The following FAM153A variants were observed in gnomAD, a reference collection of about 807,000 sequenced individuals.
FAM153A encodes protein FAM153A.
Under a neutral mutation model 48.1 loss-of-function variants are expected in FAM153A, and 12 were observed. The ratio of observed to expected loss-of-function variants is 0.25; its 90% confidence interval spans 0.16 to 0.40. The LOEUF is 0.40. Ranked by LOEUF, FAM153A falls within the 10% of genes least tolerant of loss-of-function variation. The pLI is 1.00. For missense variants in FAM153A, 111 were observed against 345.8 expected, an observed-to-expected ratio of 0.32 and a Z score of 5.38; for synonymous variants, 36 against 118.2, an observed-to-expected ratio of 0.30 and a Z score of 4.51.
chr5:177,755,970 A>G (rs2127704690), upstream of FAM153A, among the ~76,000 whole-genome samples: 1 of 151,026 alleles, frequency 6.6e-6, no homozygotes, highest in East Asian at 1.9e-4. Context: ...GACAGGATCA[A>G]ATTCACACAT....
chr5:177,734,946 A>G lies in FAM153A; in HGVS notation c.665-13T>C, dbSNP rs1264345913. The G allele has an allele frequency of 2.0e-6, 3 of 1,533,490 alleles. No individual in the cohort carries two copies. The highest frequency in any genetic ancestry group is 2.7e-6 in the Non-Finnish European group (3 of 1,131,352). The allele number at this position is 1,533,490 out of a possible 1,614,324, so 95.0% of individuals were successfully genotyped here. A position where few individuals can be genotyped will look rare whatever the true frequency, so the allele number is the denominator to read the frequency against. On this transcript the variant is annotated splice_polypyrimidine_tract_variant and intron_variant, in intron 12 of 20. Transcript: ENST00000614127. ...TCCCTGATCAGAACTAGGAGGATAC[A>G]AAGTGACCATCAGCACCTTGGTGGT...
chr5:177,759,430 T>C (rs1768086159), intron 1 of FAM153A, among the ~76,000 whole-genome samples: 1 of 151,730 alleles, frequency 6.6e-6, no homozygotes, highest in African/African-American at 2.4e-5. Flanking sequence ...GATCTAGAAC[T>C]AGAAATACCA....
At chr5:177,737,854 T>C (rs1479602547) in intron 10 of FAM153A, among the ~76,000 whole-genome samples, 1 of 151,742 alleles carries the variant, frequency 6.6e-6, no homozygotes, top group Admixed American at 6.5e-5. Flanking sequence ...GCAACCTTTC[T>C]TCAATGAGGA....
Position 177,772,117 on chromosome 5 carries a change from C to G in FAM153A, c.-57+8332G>C, listed in dbSNP as rs1380911332. The stretch of plus-strand genomic sequence containing the variant: ...TAAGGTTTTCATTAAGTTGACATGA[C>G]CTATAATCAGATGGTTATTTCACAG... On this transcript the variant is annotated intron_variant, in intron 1 of 8. Coordinates refer to the FAM153A transcript ENST00000393518. Among the ~76,000 whole-genome samples, 2 of 98,544 alleles carry G rather than the reference C, an allele frequency of 2.0e-5. 1 individual carries two copies. Among genetic ancestry groups the G allele is most frequent in the Non-Finnish European group, 4.2e-5 (2 of 47,342 alleles). 64.6% of individuals were successfully genotyped at this position (98,544 alleles called of 152,430 possible).
Position 177,727,725 on chromosome 5 carries a change from A to T in FAM153A, c.964+1298T>A. Reference sequence around the variant, plus strand: ...CAGGAGAGTTGCAAGGACCACCTGGACTCTGGAGCAGCCCCACTCCCTTTG... The same window carrying T: ...CAGGAGAGTTGCAAGGACCACCTGGTCTCTGGAGCAGCCCCACTCCCTTTG... On this transcript the variant is annotated intron_variant, in intron 18 of 20. Transcript: ENST00000614127. Among the ~76,000 whole-genome samples, 2 of 64,864 alleles carry T rather than the reference A, an allele frequency of 3.1e-5. 1 individual carries two copies. Among genetic ancestry groups the T allele is most frequent in the Non-Finnish European group, 5.8e-5 (2 of 34,530 alleles). 42.6% of individuals were successfully genotyped at this position (64,864 alleles called of 152,430 possible).
the FAM153A span, among the ~76,000 whole-genome samples, chr5:177,697,224 TA>T: frequency 2.0e-5 from 3 of 151,608 alleles, no homozygotes; most frequent in East Asian, 5.8e-4. Context: ...TGAATGGAAT[TA>T]TTTTTTAAAT....
chr5:177,709,093 CAAAAAAAAAAAAAAAAAAAAAAAAAA>C (rs56257501), downstream of FAM153A, among the ~76,000 whole-genome samples: 4 of 34,122 alleles, frequency 1.2e-4, no homozygotes, highest in South Asian at 1.5e-3. Flanking sequence ...GACTCCGTCT[CAAAAAAAAAAAAAAAAAAAAAAAAAA>C]AAAAAAAAAA....
Position 177,778,261 on chromosome 5 carries a change from TAAAA to T in FAM153A, c.-57+2184_-57+2187del, listed in dbSNP as rs774084490. On this transcript the variant is annotated intron_variant, in intron 1 of 8. Transcript: ENST00000393518. ...ATGTACCCTAAAACTTAGAGTATAA[TAAAA>T]AAAAAAAAAAAAAAAAAAAAGAAAT... 7.5e-4 allele frequency among the ~76,000 whole-genome samples: 15 copies of T among 20,042 alleles called. 1 individual carries two copies. The highest frequency in any genetic ancestry group is 5.9e-3 in the East Asian group (4 of 676). The allele number at this position is 20,042 out of a possible 152,430, so 13.1% of individuals were successfully genotyped here. A position where few individuals can be genotyped will look rare whatever the true frequency, so the allele number is the denominator to read the frequency against.
At chr5:177,705,639 C>A (rs71601374), downstream of FAM153A, among the ~76,000 whole-genome samples, 1 of 121,962 alleles carries the variant, frequency 8.2e-6, no homozygotes, top group Non-Finnish European at 1.7e-5. Flanking sequence ...AACTAGAAAA[C>A]ATTTTTCTTT....
intron 25 of FAM153A, among the ~76,000 whole-genome samples, chr5:177,715,667 A>ATAAATGTGGTCATC (rs1303453180): frequency 6.6e-6 from 1 of 151,672 alleles, no homozygotes; most frequent in East Asian, 1.9e-4. Flanking sequence ...GGAGCCTCCT[A>ATAAATGTGGTCATC]TAAATGTGGT....
chr5:177,698,398 G>T, the FAM153A span, among the ~76,000 whole-genome samples: 46 of 152,038 alleles, frequency 3.0e-4, no homozygotes, highest in Admixed American at 7.2e-4. Flanking sequence ...GACAATGCCT[G>T]CCCTGTCCAG....
downstream of FAM153A, among the ~76,000 whole-genome samples, chr5:177,704,661 C>G (rs1582088768): frequency 6.6e-6 from 1 of 151,740 alleles, no homozygotes; most frequent in East Asian, 1.9e-4. Context: ...CCCCGTGGTG[C>G]TGTTCTCATG....
chr5:177,743,195 T>TTTTG (rs1765563638), intron 6 of FAM153A, among the ~76,000 whole-genome samples: 1 of 98,730 alleles, frequency 1.0e-5, no homozygotes, highest in Non-Finnish European at 2.1e-5. Flanking sequence ...CACTTGTTTT[T>TTTTG]TTTTTGTTTT....
chr5:177,718,883 A>G (rs1760450724), downstream of FAM153A, among the ~76,000 whole-genome samples: 1 of 150,074 alleles, frequency 6.7e-6, no homozygotes, highest in South Asian at 2.1e-4. Flanking sequence ...TCAATAAAGT[A>G]TACAATTTTT....
downstream of FAM153A, among the ~76,000 whole-genome samples, chr5:177,710,136 C>G (rs1414403764): frequency 1.4e-5 from 2 of 146,516 alleles, no homozygotes; most frequent in Non-Finnish European, 3.0e-5. Flanking sequence ...TTCCCTGAGA[C>G]GGAGTCTCAC....
rs1250111069 is a variant in FAM153A at position 177,769,947 on chromosome 5, A to G, written c.-57+10502T>C. 2.1e-5 allele frequency among the ~76,000 whole-genome samples: 2 copies of G among 96,230 alleles called. 1 individual carries two copies. The highest frequency in any genetic ancestry group is 8.2e-5 in the African/African-American group (2 of 24,414). 63.1% of individuals were successfully genotyped at this position (96,230 alleles called of 152,430 possible). A position where few individuals can be genotyped will look rare whatever the true frequency, so the allele number is the denominator to read the frequency against. ...ACTATCAATGCCCTCTTGCTGCCAG[A>G]ATGTTCCAATGCTTGCCCCTTTCCC... On this transcript the variant is annotated intron_variant, in intron 1 of 8. Transcript: ENST00000393518.
chr5:177,702,032 C>T, the FAM153A span, among the ~76,000 whole-genome samples: 571 of 151,650 alleles, frequency 3.8e-3, 1 homozygote, highest in South Asian at 6.7e-3. Context: ...CTCAGCCTCC[C>T]GAGTAGCTGG....
the FAM153A span, among the ~76,000 whole-genome samples, chr5:177,701,302 G>T: frequency 6.6e-6 from 1 of 151,846 alleles, no homozygotes; most frequent in Non-Finnish European, 1.5e-5. Flanking sequence ...GGTGGCTCAT[G>T]CCTGTAACCC....
the FAM153A span, among the ~76,000 whole-genome samples, chr5:177,699,372 A>G: frequency 3.9e-4 from 59 of 151,580 alleles, no homozygotes; most frequent in Non-Finnish European, 6.5e-4. Context: ...GAGGTAGAAA[A>G]ACAATGGAAA....
Sources: allele counts gnomAD v4.1 joint callset (sites outside exome capture counted in the v4.1 genomes callset), GRCh38; gene constraint gnomAD v4.1.1; transcripts MANE v1.5; gene names NCBI Gene and HGNC (gene_info 2026-07-23, HGNC 2026-07-21).